The following YTHDC1 variants were observed in gnomAD, a reference collection of about 807,000 sequenced individuals.
YTHDC1 encodes YTH domain-containing protein 1.
A neutral mutation model predicts 107.0 loss-of-function variants in YTHDC1; 12 were observed. That is an observed-to-expected ratio of 0.11 (90% confidence interval 0.07 to 0.18). The LOEUF is 0.18. Among genes scored for constraint, YTHDC1 ranks in the 10% least tolerant of loss-of-function variants. The probability of loss-of-function intolerance (pLI) is 1.00; values close to 1 mark genes in which losing one functional copy is unlikely to be tolerated. For missense variants in YTHDC1, 635 were observed against 898.8 expected, an observed-to-expected ratio of 0.71 and a Z score of 3.75; for synonymous variants, 280 against 289.5, an observed-to-expected ratio of 0.97 and a Z score of 0.33.
At chr4:68,349,639 C>T (rs904716089) in intron 1 of YTHDC1, 87 bp downstream of exon 1, 4 of 322,550 alleles carry the variant, frequency 1.2e-5, no homozygotes, top group Non-Finnish European at 1.9e-5. Flanking sequence ...CAACCCCCAC[C>T]CCCCACCCCC....
intron 9 of YTHDC1, among the ~76,000 whole-genome samples, chr4:68,325,986 C>T (rs1422355687): frequency 6.6e-6 from 1 of 152,042 alleles, no homozygotes; most frequent in Admixed American, 6.6e-5. Context: ...AAGTCCACAT[C>T]AAAGCTTGAA....
In YTHDC1 at chr4:68,313,542, G is replaced by GTCA. The variant is rs1560466245; in HGVS notation, c.*554_*556dup. On this transcript the variant is annotated 3_prime_UTR_variant, in exon 17 of 17. Coordinates refer to ENST00000344157, the MANE Select transcript of YTHDC1 (RefSeq NM_001031732.4). ...GCAATGTCTTCTTAATATTGCTCTC[G>GTCA]TCATTGAAGACTGAGGAAAAATAAA... The GTCA allele has an allele frequency of 1.3e-5, 2 of 152,848 alleles. No homozygotes were observed. The highest frequency in any genetic ancestry group is 2.4e-5 in the African/African-American group (1 of 41,162). The allele number at this position is 152,848 out of a possible 1,614,324, so 9.5% of individuals were successfully genotyped here. A position where few individuals can be genotyped will look rare whatever the true frequency, so the allele number is the denominator to read the frequency against.
At chr4:68,327,896 TA>T (rs1242985667) in intron 9 of YTHDC1, among the ~76,000 whole-genome samples, 1 of 152,156 alleles carries the variant, frequency 6.6e-6, no homozygotes, top group Non-Finnish European at 1.5e-5. Context: ...ATTAAAACAT[TA>T]AAACTATAGT....
Position 68,312,192 on chromosome 4 carries a change from A to G in YTHDC1, c.*1907T>C, listed in dbSNP as rs1462805258. ...AGAAACACCAAATAAAAACATGGGTAAAATCTTGGCCCATCAATTACTACC... is the reference window on the plus strand; with the variant it reads ...AGAAACACCAAATAAAAACATGGGTGAAATCTTGGCCCATCAATTACTACC... On this transcript the variant is annotated 3_prime_UTR_variant, in exon 17 of 17. Transcript: ENST00000344157. 1.3e-5 allele frequency: 2 copies of G among 152,216 alleles called. No homozygotes were observed. Among genetic ancestry groups the G allele is most frequent in the Admixed American group, 1.3e-4 (2 of 15,274 alleles). The allele number at this position is 152,216 out of a possible 1,614,324, so 9.4% of individuals were successfully genotyped here.
chr4:68,332,764 A>G (rs767787036), intron 6 of YTHDC1, 30 bp downstream of exon 6: 3 of 1,602,814 alleles, frequency 1.9e-6, no homozygotes, highest in African/African-American at 2.7e-5. Flanking sequence ...TGCAGCATGC[A>G]ATGAAAACAA....
chr4:68,335,692 A>T (rs1724079115), intron 4 of YTHDC1, among the ~76,000 whole-genome samples: 1 of 152,120 alleles, frequency 6.6e-6, no homozygotes, highest in Non-Finnish European at 1.5e-5. Context: ...ATTCTCCACA[A>T]TAAATGAACA....
intron 1 of YTHDC1, among the ~76,000 whole-genome samples, chr4:68,348,681 A>T (rs963001762): frequency 1.3e-5 from 2 of 152,202 alleles, no homozygotes; most frequent in African/African-American, 2.4e-5. Context: ...GAAACCAGAA[A>T]AATTAAGAAA....
chr4:68,341,760 G>GA (rs898580934), intron 1 of YTHDC1, among the ~76,000 whole-genome samples: 2 of 152,108 alleles, frequency 1.3e-5, no homozygotes, highest in African/African-American at 4.8e-5. Context: ...TATACAAGGG[G>GA]AAAAGTCTTG....
chr4:68,349,862 C>G lies in YTHDC1; in HGVS notation c.-109G>C. 1.3e-6 allele frequency: 2 copies of G among 1,507,662 alleles called. No individual in the cohort carries two copies. Among genetic ancestry groups the G allele is most frequent in the Non-Finnish European group, 1.8e-6 (2 of 1,094,446 alleles). The allele number at this position is 1,507,662 out of a possible 1,614,324, so 93.4% of individuals were successfully genotyped here. A position where few individuals can be genotyped will look rare whatever the true frequency, so the allele number is the denominator to read the frequency against. ...CGGGCCCGTCCGTCAGTCCGTCTGC[C>G]CGGATACGCGCGTCGCACTTGGCCT... On this transcript the variant is annotated 5_prime_UTR_variant, in exon 1 of 17. Transcript: ENST00000344157.
At chr4:68,340,562 A>C (rs1280709243) in intron 1 of YTHDC1, among the ~76,000 whole-genome samples, 1 of 152,102 alleles carries the variant, frequency 6.6e-6, no homozygotes. Context: ...TAAATTATAA[A>C]AAAAATAGTC....
chr4:68,346,415 T>C (rs1366820461), intron 1 of YTHDC1, among the ~76,000 whole-genome samples: 1 of 152,090 alleles, frequency 6.6e-6, no homozygotes, highest in Non-Finnish European at 1.5e-5. Flanking sequence ...TATACAGTAG[T>C]CCCTCACTTA....
rs775561893 is a variant in YTHDC1, at chr4:68,318,911, T to C, written c.1685-49A>G. On this transcript the variant is annotated intron_variant, in intron 12 of 16. Coordinates refer to ENST00000344157, the MANE Select transcript of YTHDC1 (RefSeq NM_001031732.4). ...GTAAATCAAATTTATATTTTTCTTT[T>C]ATGGCATTATAATTAAACCTTCCTT... 6.9e-6 allele frequency: 11 copies of C among 1,591,270 alleles called. No individual in the cohort carries two copies. In the African/African-American group the frequency reaches 1.3e-4, roughly 19 times the overall value.
intron 9 of YTHDC1, among the ~76,000 whole-genome samples, chr4:68,328,855 C>T (rs1026193359): frequency 3.9e-5 from 6 of 152,176 alleles, no homozygotes; most frequent in African/African-American, 1.4e-4. Context: ...CCTGTTTCTC[C>T]TAGCCTACAA....
chr4:68,317,860 G>C (rs1262253826), intron 15 of YTHDC1, among the ~76,000 whole-genome samples: 1 of 152,150 alleles, frequency 6.6e-6, no homozygotes. Flanking sequence ...ATAAGACAAA[G>C]CATCAGTGAA....
intron 9 of YTHDC1, among the ~76,000 whole-genome samples, chr4:68,325,022 T>C (rs1344052682): frequency 1.3e-5 from 2 of 152,162 alleles, no homozygotes; most frequent in South Asian, 2.1e-4. Flanking sequence ...CAAGAAATAA[T>C]TGTAAATTAA....
intron 10 of YTHDC1, 119 bp from the exon 11 acceptor site, chr4:68,323,034 A>C (rs1228244597): frequency 1.1e-6 from 1 of 898,838 alleles, no homozygotes. Flanking sequence ...GCTGATGATC[A>C]TATGGGATTC....
chr4:68,324,579 G>A (rs997772702), intron 9 of YTHDC1, among the ~76,000 whole-genome samples: 1 of 152,146 alleles, frequency 6.6e-6, no homozygotes, highest in African/African-American at 2.4e-5. Context: ...AAAATATTTA[G>A]TATATCCCTT....
chr4:68,326,877 C>A (rs1723046973), intron 9 of YTHDC1, among the ~76,000 whole-genome samples: 1 of 151,670 alleles, frequency 6.6e-6, no homozygotes, highest in African/African-American at 2.4e-5. Flanking sequence ...AGGCATGAAC[C>A]ACTGCGCCCA....
At chr4:68,324,081 G>C in intron 10 of YTHDC1, 58 bp downstream of exon 10, 1 of 1,458,120 alleles carries the variant, frequency 6.9e-7, no homozygotes, top group East Asian at 2.3e-5. Context: ...CATCAATAAA[G>C]ATCTCTAAAA....
Sources: allele counts gnomAD v4.1 joint callset (sites outside exome capture counted in the v4.1 genomes callset), GRCh38; gene constraint gnomAD v4.1.1; transcripts MANE v1.5; gene names NCBI Gene and HGNC (gene_info 2026-07-23, HGNC 2026-07-21).